DTNBP1: variants seen among roughly 807,000 people sequenced by gnomAD.
DTNBP1 encodes the protein dystrobrevin binding protein 1.
In DTNBP1, 35 loss-of-function variants were observed where a neutral mutation model predicts 42.8. The observed-to-expected ratio is 0.82, with a 90% confidence interval of 0.63 to 1.09. The LOEUF is 1.09. DTNBP1 is among the 50% of genes least tolerant of loss of function. The pLI is 0.00. For synonymous variants in DTNBP1, 171 were observed against 162.2 expected, an observed-to-expected ratio of 1.05 and a Z score of -0.41; for missense variants, 457 against 424.2, an observed-to-expected ratio of 1.08 and a Z score of -0.68.
chr6:15,573,722 T>C (rs1466109061), intron 7 of DTNBP1, among the ~76,000 whole-genome samples: 1 of 152,216 alleles, frequency 6.6e-6, no homozygotes, highest in Non-Finnish European at 1.5e-5. Context: ...TGTTTGTTTT[T>C]TGAGACAAGG....
chr6:15,584,916 G>A (rs1463076157), intron 7 of DTNBP1, among the ~76,000 whole-genome samples: 1 of 146,800 alleles, frequency 6.8e-6, no homozygotes, highest in African/African-American at 2.5e-5. Flanking sequence ...TAATTTTTCA[G>A]GTATTTTTTG....
chr6:15,660,994 C>A (rs531563567), intron 1 of DTNBP1, among the ~76,000 whole-genome samples: 1 of 152,226 alleles, frequency 6.6e-6, no homozygotes, highest in South Asian at 2.1e-4. Context: ...ATAGGGAGAA[C>A]AAAATGCAAG....
chr6:15,566,701 CTTT>C (rs368168358), intron 7 of DTNBP1, among the ~76,000 whole-genome samples: 2 of 132,950 alleles, frequency 1.5e-5, no homozygotes. Flanking sequence ...AATGAATCTC[CTTT>C]TTTTTTTTTT....
At chr6:15,537,434 A>G (rs1026349570) in intron 7 of DTNBP1, among the ~76,000 whole-genome samples, 1 of 152,120 alleles carries the variant, frequency 6.6e-6, no homozygotes, top group Admixed American at 6.5e-5. Context: ...ATCTCAAAAA[A>G]AAAAAAAATA....
chr6:15,538,691 G>A (rs1773383307), intron 7 of DTNBP1, among the ~76,000 whole-genome samples: 1 of 152,324 alleles, frequency 6.6e-6, no homozygotes, highest in East Asian at 1.9e-4. Context: ...GACAACCTGA[G>A]TGCCTTACCT....
chr6:15,529,178 G>C (rs528420370), intron 8 of DTNBP1, among the ~76,000 whole-genome samples: 1 of 152,070 alleles, frequency 6.6e-6, no homozygotes, highest in Non-Finnish European at 1.5e-5. Flanking sequence ...TCAGCTACTC[G>C]GGAGTCTGAG....
chr6:15,651,253 A>C, intron 3 of DTNBP1, 60 bp downstream of exon 3: 1 of 1,464,818 alleles, frequency 6.8e-7, no homozygotes, highest in Non-Finnish European at 9.5e-7. Flanking sequence ...AAATTAAAAG[A>C]TATTTTTGGT....
chr6:15,601,681 TAA>T (rs553025129), intron 6 of DTNBP1, among the ~76,000 whole-genome samples: 6 of 140,852 alleles, frequency 4.3e-5, no homozygotes, highest in Admixed American at 7.1e-5. Context: ...CCGTCTCTAC[TAA>T]AAAAAAAAAA....
intron 7 of DTNBP1, among the ~76,000 whole-genome samples, chr6:15,566,036 A>G (rs1775057237): frequency 6.6e-6 from 1 of 152,196 alleles, no homozygotes; most frequent in African/African-American, 2.4e-5. Flanking sequence ...CTGAAAAACA[A>G]ACATAAAATT....
intron 5 of DTNBP1, among the ~76,000 whole-genome samples, chr6:15,620,426 G>A (rs77011324): frequency 2.0e-5 from 3 of 152,000 alleles, no homozygotes; most frequent in Non-Finnish European, 2.9e-5. Context: ...GGGCTTGAGC[G>A]ATCTTCCTGC....
At chr6:15,533,856 C>T (rs1561941075) in intron 7 of DTNBP1, among the ~76,000 whole-genome samples, 2 of 152,182 alleles carry the variant, frequency 1.3e-5, no homozygotes, top group East Asian at 3.9e-4. Flanking sequence ...AGACTGTGAC[C>T]ATGTATGACT....
At chr6:15,529,840 C>T (rs1483374402) in intron 8 of DTNBP1, among the ~76,000 whole-genome samples, 1 of 152,282 alleles carries the variant, frequency 6.6e-6, no homozygotes, top group Non-Finnish European at 1.5e-5. Flanking sequence ...TAGGGCCTTA[C>T]AAAACATCTA....
chr6:15,656,838 C>T (rs550597085), intron 1 of DTNBP1, among the ~76,000 whole-genome samples: 14 of 152,274 alleles, frequency 9.2e-5, no homozygotes, highest in Non-Finnish European at 1.6e-4. Flanking sequence ...GATTCAACAG[C>T]GTGCGGAACC....
At chr6:15,538,704 C>T (rs544663757) in intron 7 of DTNBP1, among the ~76,000 whole-genome samples, 7 of 152,314 alleles carry the variant, frequency 4.6e-5, no homozygotes, top group South Asian at 2.1e-4. Context: ...CCTTACCTTA[C>T]GTAAATATTT....
chr6:15,551,826 A>C (rs1188547280), intron 7 of DTNBP1, among the ~76,000 whole-genome samples: 4 of 152,192 alleles, frequency 2.6e-5, no homozygotes, highest in Non-Finnish European at 5.9e-5. Flanking sequence ...TGCACAGTAA[A>C]CGCCAGATAT....
intron 5 of DTNBP1, among the ~76,000 whole-genome samples, chr6:15,624,129 C>T (rs192284380): frequency 1.1e-4 from 16 of 152,336 alleles, no homozygotes; most frequent in African/African-American, 3.4e-4. Context: ...AGGCACTGTG[C>T]TAAGTGGTTA....
In DTNBP1 at chr6:15,593,089, A is replaced by G. The variant is rs568992486; in HGVS notation, c.489-8T>C. ...AAGGTTTCAAGTTCCTTCCTGTAGG[A>G]AAAAAAAAAAAAAGACAAGACAATG... On this transcript the variant is annotated splice_region_variant and splice_polypyrimidine_tract_variant and intron_variant, in intron 6 of 9. Transcript: ENST00000344537. 116 of 334,676 alleles carry G rather than the reference A, an allele frequency of 3.5e-4. No individual in the cohort carries two copies. Among genetic ancestry groups the G allele is most frequent in the Non-Finnish European group, 4.6e-4 (105 of 230,518 alleles). 20.7% of individuals were successfully genotyped at this position (334,676 alleles called of 1,614,324 possible). A position where few individuals can be genotyped will look rare whatever the true frequency, so the allele number is the denominator to read the frequency against.
intron 6 of DTNBP1, among the ~76,000 whole-genome samples, chr6:15,598,464 A>G (rs1023129154): frequency 6.6e-6 from 1 of 152,018 alleles, no homozygotes; most frequent in Non-Finnish European, 1.5e-5. Context: ...TTTAGGGGAA[A>G]TTTTTTTTAA....
At chr6:15,609,213 C>G (rs1017491818) in intron 6 of DTNBP1, among the ~76,000 whole-genome samples, 1 of 150,570 alleles carries the variant, frequency 6.6e-6, no homozygotes, top group Admixed American at 6.6e-5. Context: ...GCATGTGCTT[C>G]TAAAAGCTCT....
Sources: gnomAD v4.1 joint callset for allele counts (sites outside exome capture counted in the v4.1 genomes callset) on GRCh38, gnomAD v4.1.1 for gene constraint, MANE v1.5 for transcripts, NCBI Gene and HGNC (gene_info 2026-07-23, HGNC 2026-07-21) for gene names.